The following GNAQ variants were observed in gnomAD, a reference collection of about 807,000 sequenced individuals.
GNAQ encodes guanine nucleotide-binding protein G(q) subunit alpha.
A neutral mutation model predicts 43.9 loss-of-function variants in GNAQ; 8 were observed. The ratio of observed to expected loss-of-function variants is 0.18; its 90% CI spans 0.11 to 0.33. The LOEUF (loss-of-function observed/expected upper bound fraction) is 0.33. GNAQ is among the 10% of genes least tolerant of loss of function. The probability of loss-of-function intolerance (pLI) is 1.00; values close to 1 mark genes in which losing one functional copy is unlikely to be tolerated. For synonymous variants in GNAQ, 155 were observed against 170.7 expected, an observed-to-expected ratio of 0.91 and a Z score of 0.71; for missense variants, 158 against 450.8, an observed-to-expected ratio of 0.35 and a Z score of 5.88.
chr9:77,842,649 C>T (rs1231713065), intron 2 of GNAQ, among the ~76,000 whole-genome samples: 1 of 152,104 alleles, frequency 6.6e-6, no homozygotes, highest in Non-Finnish European at 1.5e-5. Flanking sequence ...GATGCTGAGA[C>T]ACTGAGAGAT....
At chr9:77,918,508 T>A (rs1310204062) in intron 2 of GNAQ, among the ~76,000 whole-genome samples, 2 of 151,970 alleles carry the variant, frequency 1.3e-5, no homozygotes, top group African/African-American at 4.8e-5. Flanking sequence ...CATAGAAAAC[T>A]CTAACCAAAA....
chr9:77,857,783 C>CT (rs113349596), intron 2 of GNAQ, among the ~76,000 whole-genome samples: 14,112 of 144,370 alleles, frequency 0.098, 1,464 homozygotes, highest in East Asian at 0.23. Flanking sequence ...CTTTTATACT[C>CT]TTTTTTTTTT....
chr9:77,841,276 C>T (rs1335375848), intron 2 of GNAQ, among the ~76,000 whole-genome samples: 2 of 152,174 alleles, frequency 1.3e-5, no homozygotes, highest in Non-Finnish European at 2.9e-5. Flanking sequence ...TGGTGAGAGG[C>T]TTGCAGTAAA....
chr9:77,938,938 C>G (rs1587420913), intron 1 of GNAQ, among the ~76,000 whole-genome samples: 1 of 152,148 alleles, frequency 6.6e-6, no homozygotes, highest in Non-Finnish European at 1.5e-5. Context: ...GTGGGAGGAC[C>G]AGTGGAACTA....
At chr9:78,029,821 T>C (rs993996946) in intron 1 of GNAQ, among the ~76,000 whole-genome samples, 3 of 152,196 alleles carry the variant, frequency 2.0e-5, no homozygotes, top group African/African-American at 7.2e-5. Flanking sequence ...ATTCTTTTCT[T>C]ACAGAAATGT....
At chr9:77,992,889 G>A (rs973294564) in intron 1 of GNAQ, among the ~76,000 whole-genome samples, 2 of 152,090 alleles carry the variant, frequency 1.3e-5, no homozygotes, top group Non-Finnish European at 2.9e-5. Context: ...AGGTTGCAGC[G>A]AGCCGAGATC....
intron 6 of GNAQ, among the ~76,000 whole-genome samples, chr9:77,727,298 G>T (rs78311727): frequency 6.6e-6 from 1 of 152,098 alleles, no homozygotes; most frequent in African/African-American, 2.4e-5. Flanking sequence ...GATTACAGGT[G>T]TGAATCACCA....
intron 2 of GNAQ, among the ~76,000 whole-genome samples, chr9:77,825,596 A>C (rs1297987058): frequency 6.6e-6 from 1 of 152,248 alleles, no homozygotes; most frequent in Admixed American, 6.5e-5. Context: ...TGTCTTTGAA[A>C]GAGAGATGCA....
chr9:77,969,716 C>T (rs1823212659), intron 1 of GNAQ, among the ~76,000 whole-genome samples: 1 of 152,188 alleles, frequency 6.6e-6, no homozygotes, highest in African/African-American at 2.4e-5. Flanking sequence ...TATGGATTTT[C>T]CAGGAAATTG....
intron 5 of GNAQ, among the ~76,000 whole-genome samples, chr9:77,739,587 C>T (rs560218476): frequency 7.2e-5 from 11 of 152,310 alleles, no homozygotes; most frequent in African/African-American, 2.4e-4. Context: ...AACAGTTCTA[C>T]TTTTACAAAA....
chr9:77,981,948 T>C (rs143381032), intron 1 of GNAQ, among the ~76,000 whole-genome samples: 4 of 152,316 alleles, frequency 2.6e-5, no homozygotes, highest in African/African-American at 9.6e-5. Flanking sequence ...AACAATTAAC[T>C]GACTTGATAG....
intron 1 of GNAQ, among the ~76,000 whole-genome samples, chr9:77,938,307 C>G (rs1829262492): frequency 1.3e-5 from 2 of 152,098 alleles, no homozygotes; most frequent in Non-Finnish European, 2.9e-5. Flanking sequence ...TATGTGGGCT[C>G]TGATGTAACC....
At chr9:77,862,707 G>A (rs1271685325) in intron 2 of GNAQ, among the ~76,000 whole-genome samples, 1 of 152,188 alleles carries the variant, frequency 6.6e-6, no homozygotes, top group Non-Finnish European at 1.5e-5. Flanking sequence ...TTAACATTTG[G>A]TTCCTCGTTA....
At chr9:78,030,516 A>G (rs770215563) in intron 1 of GNAQ, 4 of 470,718 alleles carry the variant, frequency 8.5e-6, no homozygotes, top group East Asian at 7.0e-5. Flanking sequence ...CTTCCTCACC[A>G]TGAGTGCTCC....
chr9:77,777,009 A>T (rs1826315048), intron 5 of GNAQ, among the ~76,000 whole-genome samples: 1 of 152,118 alleles, frequency 6.6e-6, no homozygotes, highest in African/African-American at 2.4e-5. Context: ...TACAAAAGAC[A>T]GTGTGGTATT....
intron 2 of GNAQ, among the ~76,000 whole-genome samples, chr9:77,866,675 T>C (rs1420055453): frequency 5.3e-5 from 8 of 152,092 alleles, no homozygotes; most frequent in African/African-American, 1.9e-4. Flanking sequence ...ATAAAAAGAA[T>C]ATAAAAATAA....
Position 77,832,855 on chromosome 9 carries a change from TG to T in GNAQ, c.322-17086del, listed in dbSNP as rs1827322659. 9.8e-5 allele frequency among the ~76,000 whole-genome samples: 15 copies of T among 152,342 alleles called. No individual in the cohort carries two copies. The South Asian group carries it at 3.1e-3, about 32-fold the overall frequency. ...AGCTACACCCCCAGCTGTAGGCCAC[TG>T]GCCAGACACACACAAGCTGCGTCCA... On this transcript the variant is annotated intron_variant, in intron 2 of 6. Transcript: ENST00000286548.
chr9:77,889,111 C>CA (rs1020946426), intron 2 of GNAQ, among the ~76,000 whole-genome samples: 1 of 151,886 alleles, frequency 6.6e-6, no homozygotes, highest in Non-Finnish European at 1.5e-5. Flanking sequence ...TTAAACATTT[C>CA]AAAAAAATTC....
At chr9:77,929,309 G>A (rs996745237) in intron 1 of GNAQ, among the ~76,000 whole-genome samples, 1 of 152,178 alleles carries the variant, frequency 6.6e-6, no homozygotes, top group African/African-American at 2.4e-5. Flanking sequence ...CAAAGATTCT[G>A]CTGGTTGACA....
Sources: gnomAD v4.1 joint callset for allele counts (sites outside exome capture counted in the v4.1 genomes callset) on GRCh38, gnomAD v4.1.1 for gene constraint, MANE v1.5 for transcripts, NCBI Gene and HGNC (gene_info 2026-07-23, HGNC 2026-07-21) for gene names.